PPP1R12B: variants seen among roughly 807,000 people sequenced by gnomAD.
PPP1R12B encodes the protein protein phosphatase 1 regulatory subunit 12B.
A neutral mutation model predicts 126.1 loss-of-function variants in PPP1R12B; 76 were observed. That is an observed-to-expected ratio of 0.60 (90% CI 0.50 to 0.73). The LOEUF (loss-of-function observed/expected upper bound fraction) is 0.73, where lower values mean the gene tolerates loss of function less well. Among genes scored for constraint, PPP1R12B ranks in the 30% least tolerant of loss-of-function variants. The probability of loss-of-function intolerance (pLI) is 0.00; values close to 1 mark genes in which losing one functional copy is unlikely to be tolerated. For missense variants in PPP1R12B, 1,052 were observed against 1,205.1 expected (o/e 0.87, Z 1.88); for synonymous variants, 356 against 434.7 (o/e 0.82, Z 2.25).
intron 1 of PPP1R12B, among the ~76,000 whole-genome samples, chr1:202,375,012 A>C (rs1486167556): frequency 1.3e-5 from 2 of 151,840 alleles, no homozygotes; most frequent in African/African-American, 4.8e-5. Flanking sequence ...GTGCGATCTC[A>C]GCTCACTGCA....
chr1:202,367,737 A>G (rs1373612398), intron 1 of PPP1R12B, among the ~76,000 whole-genome samples: 1 of 152,182 alleles, frequency 6.6e-6, no homozygotes, highest in Admixed American at 6.6e-5. Context: ...AATTTTACAT[A>G]TAGTAAAATG....
intron 1 of PPP1R12B, among the ~76,000 whole-genome samples, chr1:202,393,661 T>C (rs1484048527): frequency 6.6e-6 from 1 of 152,230 alleles, no homozygotes; most frequent in Non-Finnish European, 1.5e-5. Context: ...AATGTTCTTT[T>C]ATTCCTTGTT....
At position 202,508,508 on chromosome 1, in the gene PPP1R12B, C is replaced by G. The variant is rs1385948747; in HGVS notation, c.2490+11686C>G. 2.0e-5 allele frequency among the ~76,000 whole-genome samples: 3 copies of G among 152,064 alleles called. No homozygotes were observed. Among genetic ancestry groups the G allele is most frequent in the Non-Finnish European group, 4.4e-5 (3 of 68,028 alleles). ...TATTATGGTCTTGGAGCTTATAGCT[C>G]TTGTTATGTTTCTGAAAAATTTTTT... is the stretch of plus-strand genomic sequence containing the variant. On this transcript the variant is annotated intron_variant, in intron 18 of 23. Transcript: ENST00000608999. The surrounding 1 kb of genome is among the most constrained non-coding windows in gnomAD (Gnocchi z 4.5).
intron 1 of PPP1R12B, chr1:202,370,087 G>A: frequency 4.9e-6 from 1 of 204,146 alleles, no homozygotes; most frequent in South Asian, 7.6e-5. Flanking sequence ...AAACTACCAT[G>A]CCCGGCCTTG....
chr1:202,528,665 C>T (rs12127516), intron 18 of PPP1R12B, among the ~76,000 whole-genome samples: 44,425 of 152,030 alleles, frequency 0.29, 7,819 homozygotes, highest in Non-Finnish European at 0.38. Context: ...ATTGTTTCCC[C>T]CATCCCCATA....
At chr1:202,533,190 A>G (rs1297466638) in intron 18 of PPP1R12B, among the ~76,000 whole-genome samples, 2 of 152,148 alleles carry the variant, frequency 1.3e-5, no homozygotes, top group Admixed American at 6.5e-5. Context: ...AATGAAGTCC[A>G]TGGGAGCAGA....
At chr1:202,406,365 T>G (rs1181733131) in intron 1 of PPP1R12B, among the ~76,000 whole-genome samples, 1 of 152,214 alleles carries the variant, frequency 6.6e-6, no homozygotes, top group African/African-American at 2.4e-5. Flanking sequence ...TTAGTCTAGT[T>G]AGGAGTAACC....
At chr1:202,473,177 A>G (rs1298795195) in intron 13 of PPP1R12B, among the ~76,000 whole-genome samples, 1 of 152,206 alleles carries the variant, frequency 6.6e-6, no homozygotes, top group Non-Finnish European at 1.5e-5. Context: ...CAAATTAGAG[A>G]GGCCAAAAAT....
At chr1:202,429,486 G>C (rs979470171) in intron 6 of PPP1R12B, among the ~76,000 whole-genome samples, 10 of 152,086 alleles carry the variant, frequency 6.6e-5, no homozygotes, top group African/African-American at 2.4e-4. Flanking sequence ...TCCTCATTTT[G>C]AATCTTTTAT....
intron 18 of PPP1R12B, among the ~76,000 whole-genome samples, chr1:202,552,210 T>C (rs1686402128): frequency 6.6e-6 from 1 of 152,184 alleles, no homozygotes. Context: ...TGCATAAATC[T>C]TGGAAGTTGT....
intron 4 of PPP1R12B, among the ~76,000 whole-genome samples, chr1:202,426,525 G>A (rs1175393010): frequency 6.6e-6 from 1 of 152,182 alleles, no homozygotes; most frequent in Non-Finnish European, 1.5e-5. Context: ...TAGTGTCCTA[G>A]AAAGACCAAC....
chr1:202,537,687 T>C (rs1684689395), intron 18 of PPP1R12B, among the ~76,000 whole-genome samples: 1 of 152,228 alleles, frequency 6.6e-6, no homozygotes, highest in South Asian at 2.1e-4. Flanking sequence ...AATCACTGTA[T>C]GAATCTTACA....
intron 1 of PPP1R12B, among the ~76,000 whole-genome samples, chr1:202,400,955 T>C (rs2148560150): frequency 6.6e-6 from 1 of 152,332 alleles, no homozygotes; most frequent in Non-Finnish European, 1.5e-5. Context: ...GTACAACCTA[T>C]AAGCTAAAAA....
At position 202,502,399 on chromosome 1, in the gene PPP1R12B, T is replaced by G. The variant is rs1324711159; in HGVS notation, c.2490+5577T>G. On this transcript the variant is annotated intron_variant, in intron 18 of 23. Coordinates refer to ENST00000608999, the MANE Select transcript of PPP1R12B (RefSeq NM_002481.4). ...TGCTAGCAGAGCTGAGTTTTGAACT[T>G]TAACAGAAAATAAATGCCATAGAAA... 5.1e-6 allele frequency: 5 copies of G among 984,206 alleles called. No individual in the cohort carries two copies. In the Admixed American group the frequency reaches 3.1e-4, roughly 61 times the overall value. The allele number at this position is 984,206 out of a possible 1,614,324, so 61.0% of individuals were successfully genotyped here. A position where few individuals can be genotyped will look rare whatever the true frequency, so the allele number is the denominator to read the frequency against.
chr1:202,434,287 A>C (rs1179805708), intron 8 of PPP1R12B, among the ~76,000 whole-genome samples: 1 of 152,220 alleles, frequency 6.6e-6, no homozygotes, highest in Non-Finnish European at 1.5e-5. Context: ...GACTCCCCAG[A>C]GTAGTAGTAG....
In PPP1R12B at chr1:202,579,442, C is replaced by T. The variant is rs140694282; in HGVS notation, c.2863-1032C>T. 4.6e-5 allele frequency among the ~76,000 whole-genome samples: 7 copies of T among 152,276 alleles called. No individual in the cohort carries two copies. In the East Asian group the frequency reaches 1.4e-3, roughly 29 times the overall value. ...TAGCTTTCTGTAGCCTGCATAGTGG[C>T]GATGTACTTACCTGCTATCCTAAAT... On this transcript the variant is annotated intron_variant, in intron 23 of 23. Coordinates refer to ENST00000608999, the MANE Select transcript of PPP1R12B (RefSeq NM_002481.4).
At chr1:202,545,466 C>T (rs1268880467) in intron 18 of PPP1R12B, among the ~76,000 whole-genome samples, 1 of 152,198 alleles carries the variant, frequency 6.6e-6, no homozygotes, top group East Asian at 1.9e-4. Context: ...AAGCGGTGTC[C>T]TGCCCTTCTA....
chr1:202,423,949 T>G (rs1170749032), intron 3 of PPP1R12B, among the ~76,000 whole-genome samples: 2 of 152,168 alleles, frequency 1.3e-5, no homozygotes, highest in Non-Finnish European at 2.9e-5. Context: ...CCTCCCAAAG[T>G]GCCGGGATTA....
Position 202,562,778 on chromosome 1 carries a change from G to T in PPP1R12B, c.2508G>T (p.Arg836Ser). ...VKETWHERLS[R>S]LESGGSNPTT... ...TTATCTTTAATATTATCTCCCACAG[G>T]TTGGAATCGGGAGGTAGTAATCCTA... The change falls in exon 20 of 24, where the codon AGG (arginine) becomes AGT (serine). Residue 836 changes from arginine to serine, a missense_variant and splice_region_variant. By Grantham distance (110) the Arg-to-Ser change is moderately radical. Coordinates refer to ENST00000608999, the MANE Select transcript of PPP1R12B (RefSeq NM_002481.4). The T allele has an allele frequency of 5.0e-6, 8 of 1,610,452 alleles. No individual in the cohort carries two copies. The highest frequency in any genetic ancestry group is 6.8e-6 in the Non-Finnish European group (8 of 1,177,432).
Sources: gnomAD v4.1 joint callset for allele counts (sites outside exome capture counted in the v4.1 genomes callset) on GRCh38, gnomAD v4.1.1 for gene constraint, Gnocchi (gnomAD v3.1) non-coding constraint, MANE v1.5 for transcripts, NCBI Gene and HGNC (gene_info 2026-07-23, HGNC 2026-07-21) for gene names.